The following CTNNA3 variants were observed in gnomAD, a reference collection of about 807,000 sequenced individuals.
The protein encoded by CTNNA3 is catenin alpha 3.
In CTNNA3, 76 loss-of-function variants were observed where a neutral mutation model predicts 95.7. The observed-to-expected ratio is 0.79, with a 90% confidence interval of 0.66 to 0.96. CTNNA3 has a LOEUF of 0.96. Among genes scored for constraint, CTNNA3 ranks in the 40% least tolerant of loss-of-function variants. CTNNA3 has a pLI of 0.00. For synonymous variants in CTNNA3, 431 were observed against 374.4 expected (o/e 1.15, Z -1.74); for missense variants, 1,191 against 1,089.8 (o/e 1.09, Z -1.31).
intron 6 of CTNNA3, among the ~76,000 whole-genome samples, chr10:67,201,339 TACATGTTTGC>T (rs1301825282): frequency 6.6e-6 from 1 of 152,204 alleles, no homozygotes; most frequent in Non-Finnish European, 1.5e-5. Context: ...ATCTGTACAG[TACATGTTTGC>T]ACATACTCCT....
intron 5 of CTNNA3, among the ~76,000 whole-genome samples, chr10:67,412,919 G>C (rs1314221322): frequency 1.3e-5 from 2 of 151,928 alleles, no homozygotes; most frequent in Admixed American, 6.6e-5. Flanking sequence ...TAAGCACATA[G>C]CTCACAGGCA....
intron 9 of CTNNA3, among the ~76,000 whole-genome samples, chr10:66,690,236 G>A (rs1418123698): frequency 1.3e-5 from 2 of 152,090 alleles, no homozygotes; most frequent in Admixed American, 6.6e-5. Context: ...GGACTTGGGT[G>A]CAGACTGAAT....
chr10:66,118,886 C>T (rs2082451779), intron 13 of CTNNA3, among the ~76,000 whole-genome samples: 2 of 151,820 alleles, frequency 1.3e-5, no homozygotes, highest in Admixed American at 1.3e-4. Context: ...GTGTGTCACA[C>T]TATTCTTTTT....
chr10:67,170,032 C>G (rs753201333), intron 7 of CTNNA3, among the ~76,000 whole-genome samples: 27 of 152,178 alleles, frequency 1.8e-4, no homozygotes, highest in Non-Finnish European at 3.8e-4. Flanking sequence ...CTCAATAACA[C>G]TGATCATTAG....
At chr10:67,698,247 A>AG (rs1205444609), upstream of CTNNA3, among the ~76,000 whole-genome samples, 24 of 130,936 alleles carry the variant, frequency 1.8e-4, no homozygotes, top group African/African-American at 7.6e-4. Flanking sequence ...GGGGAAAAAA[A>AG]AAAGAGAGAA....
chr10:66,110,219 G>A (rs956065842), intron 13 of CTNNA3, among the ~76,000 whole-genome samples: 4 of 151,858 alleles, frequency 2.6e-5, no homozygotes, highest in African/African-American at 4.8e-5. Context: ...AAAATTAGAC[G>A]GGTGTGGTGG....
chr10:67,034,040 G>A (rs188925471), intron 7 of CTNNA3, among the ~76,000 whole-genome samples: 3 of 152,180 alleles, frequency 2.0e-5, no homozygotes, highest in African/African-American at 7.2e-5. Context: ...CCAACGTGCT[G>A]AGACTACAGG....
At chr10:66,383,591 G>C (rs1318677197) in intron 11 of CTNNA3, among the ~76,000 whole-genome samples, 1 of 152,134 alleles carries the variant, frequency 6.6e-6, no homozygotes, top group African/African-American at 2.4e-5. Context: ...AGGAAATACA[G>C]AGAACACCAC....
At chr10:66,255,358 TCTATC>T (rs2132082171) in intron 13 of CTNNA3, among the ~76,000 whole-genome samples, 1 of 152,292 alleles carries the variant, frequency 6.6e-6, no homozygotes, top group African/African-American at 2.4e-5. Flanking sequence ...ATTCTTCAGT[TCTATC>T]CTATTTGCCC....
At chr10:66,540,509 A>G (rs1841811905) in intron 10 of CTNNA3, among the ~76,000 whole-genome samples, 1 of 152,146 alleles carries the variant, frequency 6.6e-6, no homozygotes, top group Admixed American at 6.6e-5. Context: ...TGAGTCAAAA[A>G]CTGAAAGCTC....
intron 13 of CTNNA3, among the ~76,000 whole-genome samples, chr10:66,195,962 C>G (rs1024250370): frequency 9.2e-5 from 14 of 152,110 alleles, no homozygotes; most frequent in African/African-American, 3.4e-4. Context: ...CTTAGCTACA[C>G]ACACATACAC....
At chr10:67,232,470 T>C (rs554255886) in intron 5 of CTNNA3, among the ~76,000 whole-genome samples, 9 of 152,130 alleles carry the variant, frequency 5.9e-5, no homozygotes, top group African/African-American at 9.6e-5. Flanking sequence ...CTGAGAGATT[T>C]TGTCACCACC....
At chr10:67,596,512 G>A (rs1487232170) in intron 3 of CTNNA3, among the ~76,000 whole-genome samples, 1 of 152,108 alleles carries the variant, frequency 6.6e-6, no homozygotes, top group Admixed American at 6.5e-5. Flanking sequence ...TTTCTCCTTT[G>A]CTTATGAAGC....
intron 5 of CTNNA3, among the ~76,000 whole-genome samples, chr10:67,342,246 C>A (rs1210102130): frequency 6.6e-6 from 1 of 151,420 alleles, no homozygotes; most frequent in Non-Finnish European, 1.5e-5. Context: ...GGACTACAGG[C>A]GCCCACCACC....
intron 7 of CTNNA3, among the ~76,000 whole-genome samples, chr10:66,824,557 C>G (rs527851907): frequency 2.4e-4 from 37 of 152,192 alleles, no homozygotes; most frequent in Admixed American, 5.2e-4. Flanking sequence ...GAATATGAGG[C>G]TTACTGTTCA....
chr10:66,647,533 CAG>C (rs1845749056), intron 9 of CTNNA3, among the ~76,000 whole-genome samples: 1 of 139,618 alleles, frequency 7.2e-6, no homozygotes, highest in Admixed American at 7.3e-5. Flanking sequence ...TTTCTTGAGA[CAG>C]AGTCTTGCTC....
At chr10:67,248,611 G>C (rs1865992323) in intron 5 of CTNNA3, among the ~76,000 whole-genome samples, 2 of 151,982 alleles carry the variant, frequency 1.3e-5, no homozygotes, top group Non-Finnish European at 2.9e-5. Context: ...TTTTGGTAGA[G>C]AGACGGGGTT....
chr10:67,607,171 G>A lies in CTNNA3; in HGVS notation c.100-122C>T, dbSNP rs540633180. The A allele has an allele frequency of 2.4e-4, 166 of 689,914 alleles. 1 individual carries two copies. In the African/African-American group the frequency reaches 2.7e-3, roughly 11 times the overall value. 42.7% of individuals were successfully genotyped at this position (689,914 alleles called of 1,614,324 possible). ...CACTTGAGCAACTCAAGGGCTAGGGGCGCCAACCCACCGTGCAGTTGAAAA... is the reference window on the plus strand; with the variant it reads ...CACTTGAGCAACTCAAGGGCTAGGGACGCCAACCCACCGTGCAGTTGAAAA... On this transcript the variant is annotated intron_variant, in intron 2 of 17. Transcript: ENST00000433211.
chr10:67,533,386 A>G (rs751069815), intron 4 of CTNNA3, among the ~76,000 whole-genome samples: 1 of 152,220 alleles, frequency 6.6e-6, no homozygotes, highest in Non-Finnish European at 1.5e-5. Context: ...AGAAGAACAA[A>G]TAGTACAGAA....
Sources: allele counts gnomAD v4.1 joint callset (sites outside exome capture counted in the v4.1 genomes callset), GRCh38; gene constraint gnomAD v4.1.1; transcripts MANE v1.5; gene names NCBI Gene and HGNC (gene_info 2026-07-23, HGNC 2026-07-21).